Variants in EYA2 observed in about 807,000 individuals in gnomAD.
EYA2 encodes the protein protein phosphatase EYA2.
A neutral mutation model predicts 69.2 loss-of-function variants in EYA2; 31 were observed. The ratio of observed to expected loss-of-function variants is 0.45; its 90% CI spans 0.34 to 0.60. EYA2 has a LOEUF of 0.60. Among genes scored for constraint, EYA2 ranks in the 20% least tolerant of loss-of-function variants. EYA2 has a pLI of 0.02. For synonymous variants in EYA2, 257 were observed against 279.4 expected (o/e 0.92, Z 0.80); for missense variants, 622 against 701.2 (o/e 0.89, Z 1.28).
At chr20:46,993,926 G>A (rs1043529672) in intron 2 of EYA2, among the ~76,000 whole-genome samples, 4 of 152,210 alleles carry the variant, frequency 2.6e-5, no homozygotes, top group African/African-American at 9.6e-5. Context: ...TGAGGCAGCA[G>A]TGTGCTCAAA....
chr20:47,049,868 C>T (rs571796339), intron 5 of EYA2, among the ~76,000 whole-genome samples: 1 of 151,364 alleles, frequency 6.6e-6, no homozygotes, highest in South Asian at 2.1e-4. Context: ...AGACCCCCCC[C>T]CCACCGCCAC....
intron 12 of EYA2, among the ~76,000 whole-genome samples, chr20:47,179,345 G>A (rs201893628): frequency 2.6e-5 from 3 of 115,248 alleles, no homozygotes; most frequent in African/African-American, 9.2e-5. Flanking sequence ...TAGATTGATG[G>A]GTGGGTGGGT....
rs1215223667 is a variant in EYA2, at chr20:47,053,667, C to CAAAAA, written c.416-18503_416-18499dup. 6.0e-4 allele frequency among the ~76,000 whole-genome samples: 40 copies of CAAAAA among 66,810 alleles called. 1 individual carries two copies. Among genetic ancestry groups the CAAAAA allele is most frequent in the African/African-American group, 2.2e-3 (38 of 17,538 alleles). 43.8% of individuals were successfully genotyped at this position (66,810 alleles called of 152,430 possible). A position where few individuals can be genotyped will look rare whatever the true frequency, so the allele number is the denominator to read the frequency against. Reference sequence around the variant, plus strand: ...GGGGGACAGGAGTGAGACCTTGTCTCAAAAAAAAAAAAAAAAAAAGAGTAA... The same window carrying CAAAAA: ...GGGGGACAGGAGTGAGACCTTGTCTCAAAAAAAAAAAAAAAAAAAAAAAAGAGTAA... On this transcript the variant is annotated intron_variant, in intron 5 of 15. Coordinates refer to ENST00000327619, the MANE Select transcript of EYA2 (RefSeq NM_005244.5).
In EYA2 at chr20:47,001,445, C is replaced by A. The variant is rs1982365912; in HGVS notation, c.127C>A (p.Pro43Thr). 1.2e-6 allele frequency: 2 copies of A among 1,614,056 alleles called. No individual in the cohort carries two copies. The highest frequency in any genetic ancestry group is 2.7e-5 in the African/African-American group (2 of 74,926). ...TCCTGCAGGCATCACCAAATCGGCC[C>A]CCCTGAGAGTGTCCCAGCTCTTCTC... is the stretch of plus-strand genomic sequence containing the variant. ...SDRQGITKSA[P>T]LRVSQLFSRS... The change falls in exon 3 of 16, where the codon CCC (proline) becomes ACC (threonine). Residue 43 changes from proline to threonine, a missense_variant. Transcript: ENST00000327619.
At chr20:47,004,581 T>G (rs766145841) in intron 3 of EYA2, among the ~76,000 whole-genome samples, 1 of 152,168 alleles carries the variant, frequency 6.6e-6, no homozygotes, top group Non-Finnish European at 1.5e-5. Context: ...TGTTTCCGTA[T>G]CATGGCTCTG....
intron 5 of EYA2, among the ~76,000 whole-genome samples, chr20:47,037,246 TGG>T (rs1214598705): frequency 6.6e-6 from 1 of 152,128 alleles, no homozygotes; most frequent in African/African-American, 2.4e-5. Flanking sequence ...CTGGGGATTA[TGG>T]GGATTGAGGA....
chr20:46,970,227 C>CT (rs1239493832), intron 1 of EYA2, among the ~76,000 whole-genome samples: 2 of 152,196 alleles, frequency 1.3e-5, no homozygotes, highest in African/African-American at 4.8e-5. Context: ...GTGAATTCAT[C>CT]TTTTTCTCAA....
chr20:47,097,306 T>C, intron 9 of EYA2, 138 bp downstream of exon 9: 2 of 623,966 alleles, frequency 3.2e-6, no homozygotes, highest in Non-Finnish European at 5.5e-6. Context: ...AGCCCAGGTT[T>C]AAAAATTCCT....
intron 8 of EYA2, among the ~76,000 whole-genome samples, chr20:47,094,787 G>A (rs1174261566): frequency 4.6e-5 from 7 of 152,204 alleles, no homozygotes; most frequent in Admixed American, 2.6e-4. Context: ...CCAGCACTGT[G>A]GGAGGCCAAG....
rs1454761704 is a variant in EYA2 at position 46,954,531 on chromosome 20, C to A, written c.-10-35470C>A. ...ATTTGCGTAGCACGCAGTCTCCTGG[C>A]AGCTCGCTCTCTTTGAGGGAACACA... On this transcript the variant is annotated intron_variant, in intron 1 of 15. Transcript: ENST00000327619. Among the ~76,000 whole-genome samples, 3 of 152,256 alleles carry A rather than the reference C, an allele frequency of 2.0e-5. No individual in the cohort carries two copies. In the East Asian group the frequency reaches 5.8e-4, roughly 29 times the overall value.
chr20:47,041,049 A>G lies in EYA2; in HGVS notation c.415+24752A>G, dbSNP rs147290819. Among the ~76,000 whole-genome samples the G allele has an allele frequency of 2.7e-4, 41 of 152,256 alleles. No individual in the cohort carries two copies. In the Middle Eastern group the frequency reaches 0.01, roughly 38 times the overall value. ...AGGAGCTTAGGCCTGGCTGGAGGAT[A>G]AACCACCCTCCACAGGGAAGTTAGA... On this transcript the variant is annotated intron_variant, in intron 5 of 15. Transcript: ENST00000327619.
At chr20:47,004,880 A>C (rs753201545) in intron 3 of EYA2, 62 bp from the exon 4 acceptor site, 5 of 1,612,888 alleles carry the variant, frequency 3.1e-6, no homozygotes, top group South Asian at 1.1e-5. Flanking sequence ...GTTGATATCA[A>C]GATAAGGAAG....
intron 5 of EYA2, among the ~76,000 whole-genome samples, chr20:47,026,894 CCTTATT>C (rs1308704401): frequency 2.0e-5 from 3 of 152,224 alleles, no homozygotes; most frequent in African/African-American, 7.2e-5. Context: ...TGTGAAATCT[CCTTATT>C]CTTTTTCAAT....
intron 5 of EYA2, among the ~76,000 whole-genome samples, chr20:47,063,698 G>A (rs1029337932): frequency 2.0e-5 from 3 of 151,996 alleles, no homozygotes; most frequent in African/African-American, 7.3e-5. Flanking sequence ...GTCCTTCCTT[G>A]CAACCAGACT....
chr20:47,102,026 A>G (rs950845779), intron 9 of EYA2, among the ~76,000 whole-genome samples: 1 of 152,230 alleles, frequency 6.6e-6, no homozygotes, highest in Non-Finnish European at 1.5e-5. Context: ...AATTTATTGA[A>G]GCACAATAAT....
intron 5 of EYA2, among the ~76,000 whole-genome samples, chr20:47,050,519 G>A (rs968262720): frequency 6.6e-6 from 1 of 152,238 alleles, no homozygotes; most frequent in African/African-American, 2.4e-5. Flanking sequence ...TGGAAGAGAT[G>A]ATCAGGGAAG....
At chr20:47,165,341 A>G (rs989866535) in intron 10 of EYA2, among the ~76,000 whole-genome samples, 1 of 152,228 alleles carries the variant, frequency 6.6e-6, no homozygotes, top group Non-Finnish European at 1.5e-5. Context: ...AATACTGAGC[A>G]GTAAAAGCTT....
chr20:46,968,301 C>T (rs1249150223), intron 1 of EYA2, among the ~76,000 whole-genome samples: 2 of 152,240 alleles, frequency 1.3e-5, no homozygotes, highest in African/African-American at 4.8e-5. Context: ...TTTACTGTAA[C>T]ATGCATTGTG....
chr20:46,966,119 C>T (rs1979764595), intron 1 of EYA2, among the ~76,000 whole-genome samples: 1 of 152,188 alleles, frequency 6.6e-6, no homozygotes, highest in Non-Finnish European at 1.5e-5. Flanking sequence ...ACGAGGCAAC[C>T]TCTTACAGTC....
Sources: gnomAD v4.1 joint callset for allele counts (sites outside exome capture counted in the v4.1 genomes callset) on GRCh38, gnomAD v4.1.1 for gene constraint, MANE v1.5 for transcripts, NCBI Gene and HGNC (gene_info 2026-07-23, HGNC 2026-07-21) for gene names.